FREM1: variants seen among roughly 807,000 people sequenced by gnomAD.
FREM1 encodes FRAS1-related extracellular matrix protein 1.
Under a neutral mutation model 210.1 loss-of-function variants are expected in FREM1, and 220 were observed. The observed-to-expected ratio is 1.05, with a 90% confidence interval of 0.94 to 1.17. The LOEUF is 1.17. Among genes scored for constraint, FREM1 ranks in the 50% most tolerant of loss-of-function variants. The pLI, the probability that FREM1 is intolerant of heterozygous loss-of-function variation, is 0.00. For synonymous variants in FREM1, 1,189 were observed against 980.2 expected (o/e 1.21, Z -3.98); for missense variants, 3,454 against 2,675.5 (o/e 1.29, Z -6.42).
In FREM1 at chr9:14,836,692, T is replaced by G. The variant is rs903683146; in HGVS notation, c.1881+4755A>C. 3.9e-5 allele frequency among the ~76,000 whole-genome samples: 6 copies of G among 152,184 alleles called. No individual in the cohort carries two copies. The highest frequency in any genetic ancestry group is 1.2e-4 in the African/African-American group (5 of 41,438). On this transcript the variant is annotated intron_variant, in intron 10 of 36. Transcript: ENST00000380880. The surrounding 1 kb of genome is among the most constrained non-coding windows in gnomAD (Gnocchi z 4.9). ...TCTTCTCGCCTAAAAGCAATCAAACTCCAAATGGTGCTGCAAACTGAACCG... is the reference window on the plus strand; with the variant it reads ...TCTTCTCGCCTAAAAGCAATCAAACGCCAAATGGTGCTGCAAACTGAACCG...
intron 4 of FREM1, 147 bp downstream of exon 4, chr9:14,859,036 G>C (rs1268329259): frequency 3.5e-6 from 2 of 578,030 alleles, no homozygotes; most frequent in Admixed American, 3.3e-5. Flanking sequence ...TGATTGTAAA[G>C]TCTGTGCTCT....
intron 1 of FREM1, among the ~76,000 whole-genome samples, chr9:14,873,486 G>C (rs148878728): frequency 0.015 from 2,342 of 152,190 alleles, 58 homozygotes; most frequent in African/African-American, 0.051. Flanking sequence ...TCTGATGGTA[G>C]TTTGTATTTC....
chr9:14,906,252 C>G (rs1169950917), intron 1 of FREM1, among the ~76,000 whole-genome samples: 2 of 152,146 alleles, frequency 1.3e-5, no homozygotes, highest in Non-Finnish European at 2.9e-5. Context: ...AACATTGTAG[C>G]CTATGATTAG....
chr9:14,889,586 G>A (rs1836424235), intron 1 of FREM1, among the ~76,000 whole-genome samples: 1 of 152,166 alleles, frequency 6.6e-6, no homozygotes, highest in Admixed American at 6.5e-5. Flanking sequence ...ATCCCAGGTG[G>A]CTTCCTTAAA....
In FREM1 at chr9:14,865,471, A is replaced by C. The variant is rs549557884; in HGVS notation, c.235-1568T>G. On this transcript the variant is annotated intron_variant, in intron 2 of 36. Coordinates refer to ENST00000380880, the MANE Select transcript of FREM1 (RefSeq NM_001379081.2). ...CAGGAAAATGAACCTGTTGATCCTA[A>C]GACAAACTTCAGTAATGAAATGAAA... Among the ~76,000 whole-genome samples, 41 of 152,366 alleles carry C rather than the reference A, an allele frequency of 2.7e-4. 1 individual carries two copies. The highest frequency in any genetic ancestry group is 2.4e-3 in the Admixed American group (37 of 15,310).
rs747977032 is a variant in FREM1 at position 14,737,506 on chromosome 9, G to A, written c.6430C>T (p.Arg2144Cys). 95 of 1,613,052 alleles carry A rather than the reference G, an allele frequency of 5.9e-5. No homozygotes were observed. The highest frequency in any genetic ancestry group is 1.2e-4 in the Admixed American group (7 of 59,952). Residue 2144 changes from arginine to cysteine, a missense_variant, in exon 37 of 37, where the codon CGC (arginine) becomes TGC (cysteine). Arg to Cys is a radical substitution (Grantham distance 180, BLOSUM62 -3). Coordinates refer to ENST00000380880, the MANE Select transcript of FREM1 (RefSeq NM_001379081.2). ...ACACAGCTCTTTCCAAGCTTGGAGC[G>A]TTGAGAGGGCCCTCTTCTCCCATTG... is the stretch of plus-strand genomic sequence containing the variant. Reference protein sequence around the residue: ...FTNGRRGPSQRSKLGKSCVLV... With the variant: ...FTNGRRGPSQCSKLGKSCVLV...
At chr9:14,859,691 C>T (rs975933551) in intron 3 of FREM1, among the ~76,000 whole-genome samples, 8 of 152,202 alleles carry the variant, frequency 5.3e-5, no homozygotes, top group Non-Finnish European at 2.9e-5. Context: ...CCTGCCACTT[C>T]TTCCTCCCAA....
intron 1 of FREM1, among the ~76,000 whole-genome samples, chr9:14,908,522 A>G (rs1818186081): frequency 6.6e-6 from 1 of 152,146 alleles, no homozygotes; most frequent in African/African-American, 2.4e-5. Flanking sequence ...CCTCGTGGGA[A>G]TGAAAAGGCA....
chr9:14,779,970 C>T (rs530593484), intron 24 of FREM1, among the ~76,000 whole-genome samples: 96 of 152,234 alleles, frequency 6.3e-4, no homozygotes, highest in African/African-American at 2.2e-3. Flanking sequence ...TGAATGGTTA[C>T]GGTTGAGTTC....
At chr9:14,831,512 G>C (rs1490544281) in intron 10 of FREM1, among the ~76,000 whole-genome samples, 2 of 152,190 alleles carry the variant, frequency 1.3e-5, no homozygotes, top group Non-Finnish European at 2.9e-5. Context: ...CAGGAAAATG[G>C]CCATTTGGTT....
chr9:14,743,234 A>C (rs1841872278), intron 35 of FREM1, among the ~76,000 whole-genome samples: 2 of 152,072 alleles, frequency 1.3e-5, no homozygotes, highest in Non-Finnish European at 2.9e-5. Context: ...TTTAGGCCTT[A>C]AGTTTATTAT....
chr9:14,807,530 G>T (rs1196888672), intron 17 of FREM1, among the ~76,000 whole-genome samples: 2 of 152,050 alleles, frequency 1.3e-5, no homozygotes, highest in Non-Finnish European at 2.9e-5. Flanking sequence ...GGTCTCTCCG[G>T]TATACTCACT....
chr9:14,890,427 A>T (rs1183257976), intron 1 of FREM1, among the ~76,000 whole-genome samples: 1 of 152,264 alleles, frequency 6.6e-6, no homozygotes, highest in Admixed American at 6.5e-5. Flanking sequence ...AGAACGCTAA[A>T]ATCACCTTCT....
rs533731561 is a variant in FREM1 at position 14,870,277 on chromosome 9, T to G, written c.-267-1033A>C. Among the ~76,000 whole-genome samples, 17 of 152,318 alleles carry G rather than the reference T, an allele frequency of 1.1e-4. 1 individual carries two copies. The East Asian group carries it at 3.3e-3, about 29-fold the overall frequency. On this transcript the variant is annotated intron_variant, in intron 1 of 36. Transcript: ENST00000380880. ...CATTCCCTTGTCACTGTTTGCAACC[T>G]TTCACTTTTGAGGCAGTGCCTGACT...
chr9:14,873,301 G>T (rs1253788142), intron 1 of FREM1, among the ~76,000 whole-genome samples: 1 of 152,140 alleles, frequency 6.6e-6, no homozygotes, highest in Non-Finnish European at 1.5e-5. Flanking sequence ...TCAGGTCCTG[G>T]ACTCTTTTTG....
chr9:14,783,225 T>C (rs897332405), intron 24 of FREM1, among the ~76,000 whole-genome samples: 1 of 152,226 alleles, frequency 6.6e-6, no homozygotes, highest in African/African-American at 2.4e-5. Context: ...CAGCATCCTC[T>C]TTACTGACAT....
intron 10 of FREM1, among the ~76,000 whole-genome samples, chr9:14,834,112 T>C (rs1202970127): frequency 5.9e-5 from 9 of 152,202 alleles, no homozygotes; most frequent in African/African-American, 1.9e-4. Flanking sequence ...GAGTAATAAC[T>C]AGGTAGAAAA....
Position 14,775,870 on chromosome 9 carries a change from A to C in FREM1, c.4776T>G (p.Thr1592=), listed in dbSNP as rs1295815509. Residue 1592 remains threonine (T), a synonymous_variant, in exon 25 of 37, where the codon ACT becomes ACG. Transcript: ENST00000380880. ...GGTTTGTCCCATCTGTGGCCATGAA[A>C]GTAAAGCAGTCAGTCTGGGAGTCCC... is the stretch of plus-strand genomic sequence containing the variant. ...SGGDSQTDCF[T]FMATDGTNQG... The C allele has an allele frequency of 6.2e-7, 1 of 1,613,958 alleles. No homozygotes were observed. The highest frequency in any genetic ancestry group is 1.7e-5 in the Admixed American group (1 of 60,032).
chr9:14,750,162 G>C lies in FREM1; in HGVS notation c.5522C>G (p.Thr1841Arg), dbSNP rs771228475. 46 of 1,613,566 alleles carry C rather than the reference G, an allele frequency of 2.9e-5. No individual in the cohort carries two copies. The highest frequency in any genetic ancestry group is 3.7e-5 in the Non-Finnish European group (44 of 1,179,768). ...GTCCAAAATTTTCACTGCAGCTTTT[G>C]TCTTTGTGCCAAGAACTGCATTCAC... ...SPVNAVLGTK[T>R]KAAVKILDSK... Residue 1841 changes from threonine to arginine, a missense_variant, in exon 30 of 37, where the codon ACA (threonine) becomes AGA (arginine). Coordinates refer to ENST00000380880, the MANE Select transcript of FREM1 (RefSeq NM_001379081.2).
Sources: gnomAD v4.1 joint callset for allele counts (sites outside exome capture counted in the v4.1 genomes callset) on GRCh38, gnomAD v4.1.1 for gene constraint, Gnocchi (gnomAD v3.1) non-coding constraint, MANE v1.5 for transcripts, NCBI Gene and HGNC (gene_info 2026-07-23, HGNC 2026-07-21) for gene names.